LHFPL3: variants seen among roughly 807,000 people sequenced by gnomAD.
The protein encoded by LHFPL3 is LHFPL tetraspan subfamily member 3, also known as LHFPL tetraspan subfamily member 3 protein.
Under a neutral mutation model 19.3 loss-of-function variants are expected in LHFPL3, and 5 were observed. The observed-to-expected ratio is 0.26, with a 90% CI of 0.14 to 0.54. The LOEUF (loss-of-function observed/expected upper bound fraction) is 0.54. Among genes scored for constraint, LHFPL3 ranks in the 20% least tolerant of loss-of-function variants. The pLI is 0.94. For synonymous variants in LHFPL3, 133 were observed against 126.2 expected (o/e 1.05, Z -0.36); for missense variants, 249 against 307.4 (o/e 0.81, Z 1.42).
At chr7:104,761,273 C>T (rs1279807839) in intron 2 of LHFPL3, among the ~76,000 whole-genome samples, 1 of 151,994 alleles carries the variant, frequency 6.6e-6, no homozygotes, top group East Asian at 1.9e-4. Context: ...ATATATGGAT[C>T]GATTGATTTG....
chr7:104,581,397 G>A (rs1790458313), intron 1 of LHFPL3, among the ~76,000 whole-genome samples: 1 of 151,812 alleles, frequency 6.6e-6, no homozygotes, highest in African/African-American at 2.4e-5. Context: ...ACATGTTCTG[G>A]GTACAAGTTT....
chr7:104,607,767 C>A (rs938527289), intron 1 of LHFPL3, among the ~76,000 whole-genome samples: 1 of 152,050 alleles, frequency 6.6e-6, no homozygotes, highest in African/African-American at 2.4e-5. Flanking sequence ...GGGCTAATAT[C>A]CAGAATCTAC....
At chr7:104,849,177 C>T (rs1044707873) in intron 2 of LHFPL3, among the ~76,000 whole-genome samples, 2 of 152,172 alleles carry the variant, frequency 1.3e-5, no homozygotes, top group African/African-American at 4.8e-5. Context: ...GCCATCCACC[C>T]ACTTCGGCCT....
intron 1 of LHFPL3, among the ~76,000 whole-genome samples, chr7:104,360,164 G>T (rs941412907): frequency 1.3e-5 from 2 of 152,218 alleles, no homozygotes; most frequent in Non-Finnish European, 2.9e-5. Flanking sequence ...GATGGGGTGG[G>T]TGATCCAGGG....
At chr7:104,817,671 G>T (rs969258928) in intron 2 of LHFPL3, among the ~76,000 whole-genome samples, 11 of 152,024 alleles carry the variant, frequency 7.2e-5, no homozygotes, top group African/African-American at 2.7e-4. Flanking sequence ...TTCCTGATTT[G>T]ACGATTGACA....
chr7:104,525,612 T>TG (rs56053434), intron 1 of LHFPL3, among the ~76,000 whole-genome samples: 59,397 of 147,108 alleles, frequency 0.4, 11,967 homozygotes, highest in Middle Eastern at 0.46. Context: ...TTGGGTTTTT[T>TG]TTTTTTTTTT....
At chr7:104,628,534 G>A (rs971562373) in intron 1 of LHFPL3, among the ~76,000 whole-genome samples, 1 of 152,004 alleles carries the variant, frequency 6.6e-6, no homozygotes. Context: ...TATCAGTGAT[G>A]ACATAGATAA....
At chr7:104,458,135 C>T (rs1317802845) in intron 1 of LHFPL3, among the ~76,000 whole-genome samples, 1 of 151,554 alleles carries the variant, frequency 6.6e-6, no homozygotes, top group East Asian at 1.9e-4. Flanking sequence ...TCCCATTTGT[C>T]AATTTTGTCT....
intron 1 of LHFPL3, among the ~76,000 whole-genome samples, chr7:104,683,895 G>T (rs2116102410): frequency 6.6e-6 from 1 of 152,224 alleles, no homozygotes; most frequent in Admixed American, 6.5e-5. Flanking sequence ...TTGGGGAGTT[G>T]GTTTGGGTAT....
intron 1 of LHFPL3, chr7:104,470,152 C>T (rs1319947282): frequency 2.2e-6 from 1 of 447,498 alleles, no homozygotes; most frequent in Non-Finnish European, 4.5e-6. Context: ...GTTGGGGATT[C>T]TTTTCCCCCT....
Position 104,411,402 on chromosome 7 carries a change from T to C in LHFPL3, c.445+82178T>C, listed in dbSNP as rs377495862. Among the ~76,000 whole-genome samples the C allele has an allele frequency of 3.0e-4, 46 of 152,340 alleles. No homozygotes were observed. The East Asian group carries it at 4.8e-3, about 16-fold the overall frequency. On this transcript the variant is annotated intron_variant, in intron 1 of 2. Coordinates refer to ENST00000424859, the MANE Select transcript of LHFPL3 (RefSeq NM_199000.3). ...GTAGAATAACCAGAGGGTTTATTTG[T>C]ATAACTTCTTGACAAAAGATGGTAG...
At chr7:104,349,468 G>T (rs1037700387) in intron 1 of LHFPL3, among the ~76,000 whole-genome samples, 5 of 152,190 alleles carry the variant, frequency 3.3e-5, no homozygotes, top group Non-Finnish European at 7.3e-5. Flanking sequence ...ATACAAGGGA[G>T]CCCTTTTATG....
Position 104,654,084 on chromosome 7 carries a change from A to G in LHFPL3, c.446-82591A>G, listed in dbSNP as rs17139722. 4.5e-3 allele frequency among the ~76,000 whole-genome samples: 680 copies of G among 152,350 alleles called. 40 individuals are homozygous for G. In the East Asian group the frequency reaches 0.11, roughly 25 times the overall value. On this transcript the variant is annotated intron_variant, in intron 1 of 2. Coordinates refer to ENST00000424859, the MANE Select transcript of LHFPL3 (RefSeq NM_199000.3). ...GAAATTCCTGACTTGCTTCCAAAGCAAAACCATAAGTAGGCAGTTCCAAGT... is the reference window on the plus strand; with the variant it reads ...GAAATTCCTGACTTGCTTCCAAAGCGAAACCATAAGTAGGCAGTTCCAAGT...
At chr7:104,472,069 C>G (rs1792920421) in intron 1 of LHFPL3, among the ~76,000 whole-genome samples, 2 of 151,382 alleles carry the variant, frequency 1.3e-5, no homozygotes, top group South Asian at 4.2e-4. Context: ...CTCAGCTACT[C>G]AGGAGGCTGA....
At chr7:104,406,538 T>G (rs1160491768) in intron 1 of LHFPL3, among the ~76,000 whole-genome samples, 1 of 152,242 alleles carries the variant, frequency 6.6e-6, no homozygotes, top group Admixed American at 6.5e-5. Flanking sequence ...TAAAAGAGGA[T>G]GATTAACATG....
At chr7:104,838,149 T>C (rs1791132602) in intron 2 of LHFPL3, among the ~76,000 whole-genome samples, 1 of 152,176 alleles carries the variant, frequency 6.6e-6, no homozygotes, top group South Asian at 2.1e-4. Context: ...GGTTCTCAAC[T>C]GGAGGGATAC....
At chr7:104,494,221 A>T (rs1268119991) in intron 1 of LHFPL3, among the ~76,000 whole-genome samples, 1 of 152,228 alleles carries the variant, frequency 6.6e-6, no homozygotes, top group Non-Finnish European at 1.5e-5. Flanking sequence ...ATTTTACAAA[A>T]TAATATGTGT....
intron 1 of LHFPL3, among the ~76,000 whole-genome samples, chr7:104,430,435 T>TATACATGTGTATATATATATATATACAC (rs1562895298): frequency 1.4e-4 from 2 of 14,248 alleles, no homozygotes; most frequent in Non-Finnish European, 2.5e-4. Flanking sequence ...TATATATATA[T>TATACATGTGTATATATATATATATACAC]ATATATATAT....
chr7:104,560,065 T>G (rs1272827409), intron 1 of LHFPL3, among the ~76,000 whole-genome samples: 6 of 148,118 alleles, frequency 4.1e-5, no homozygotes, highest in Non-Finnish European at 7.4e-5. Flanking sequence ...TTTGATGTGC[T>G]GCTGGATTCC....
Sources: gnomAD v4.1 joint callset for allele counts (sites outside exome capture counted in the v4.1 genomes callset) on GRCh38, gnomAD v4.1.1 for gene constraint, MANE v1.5 for transcripts, NCBI Gene and HGNC (gene_info 2026-07-23, HGNC 2026-07-21) for gene names.